AUTS2: variants seen among roughly 807,000 people sequenced by gnomAD.
AUTS2 encodes the protein activator of transcription and developmental regulator AUTS2, also known as autism susceptibility gene 2 protein.
AUTS2 carries 17 observed loss-of-function variants against 112.4 expected under a neutral mutation model. The observed-to-expected ratio is 0.15, with a 90% CI of 0.10 to 0.23. AUTS2 has a LOEUF of 0.23. AUTS2 is among the 10% of genes least tolerant of loss of function. The pLI is 1.00. For missense variants in AUTS2, 1,510 were observed against 1,701.6 expected (o/e 0.89, Z 1.98); for synonymous variants, 751 against 702.7 (o/e 1.07, Z -1.09).
chr7:69,725,668 G>C (rs1786475912), intron 1 of AUTS2, among the ~76,000 whole-genome samples: 1 of 152,156 alleles, frequency 6.6e-6, no homozygotes, highest in South Asian at 2.1e-4. Context: ...TGGGAAATGA[G>C]GGTCAGAGTG....
intron 4 of AUTS2, among the ~76,000 whole-genome samples, chr7:70,296,536 A>G (rs572803701): frequency 6.6e-6 from 1 of 152,330 alleles, no homozygotes; most frequent in East Asian, 1.9e-4. Context: ...CTTCAACTAT[A>G]TAATCAGCAT....
intron 5 of AUTS2, chr7:70,596,381 C>A (rs1398653721): frequency 6.6e-6 from 1 of 152,212 alleles, no homozygotes; most frequent in East Asian, 1.9e-4. Context: ...TGCCCGCGAA[C>A]CCACCTCGGA....
intron 5 of AUTS2, among the ~76,000 whole-genome samples, chr7:70,497,094 TCAGA>T (rs1321181126): frequency 1.6e-5 from 1 of 64,052 alleles, no homozygotes; most frequent in Non-Finnish European, 3.0e-5. Flanking sequence ...ACGTACACAG[TCAGA>T]CACACACACA....
At chr7:69,970,887 T>C (rs1797821894) in intron 2 of AUTS2, among the ~76,000 whole-genome samples, 1 of 152,214 alleles carries the variant, frequency 6.6e-6, no homozygotes, top group Admixed American at 6.5e-5. Context: ...AGATATTTAT[T>C]CCCTGTTGGG....
intron 5 of AUTS2, among the ~76,000 whole-genome samples, chr7:70,533,230 C>T (rs1007204534): frequency 1.3e-5 from 2 of 152,180 alleles, no homozygotes; most frequent in Non-Finnish European, 2.9e-5. Flanking sequence ...ATCCTCCTGC[C>T]TCAGCCTCCC....
intron 2 of AUTS2, among the ~76,000 whole-genome samples, chr7:70,034,227 G>A (rs1160570557): frequency 6.6e-6 from 1 of 152,160 alleles, no homozygotes; most frequent in Non-Finnish European, 1.5e-5. Flanking sequence ...AACATTTCCA[G>A]AGAGCACTAG....
chr7:69,861,150 T>A (rs1000747121), intron 1 of AUTS2, among the ~76,000 whole-genome samples: 2 of 152,162 alleles, frequency 1.3e-5, no homozygotes, highest in Admixed American at 6.5e-5. Flanking sequence ...CAATATGCCT[T>A]TCTCTTTGAT....
At chr7:70,072,900 A>G (rs1802843574) in intron 2 of AUTS2, among the ~76,000 whole-genome samples, 1 of 152,170 alleles carries the variant, frequency 6.6e-6, no homozygotes, top group African/African-American at 2.4e-5. Flanking sequence ...TAAATGTTAG[A>G]GTTTCATTCA....
chr7:70,430,150 G>A (rs1383651014), intron 4 of AUTS2, among the ~76,000 whole-genome samples: 3 of 152,192 alleles, frequency 2.0e-5, no homozygotes, highest in Non-Finnish European at 4.4e-5. Flanking sequence ...AACGTGGGGT[G>A]AGAGAGGAAG....
intron 2 of AUTS2, among the ~76,000 whole-genome samples, chr7:69,972,425 A>G (rs1797885196): frequency 1.3e-5 from 2 of 152,274 alleles, no homozygotes; most frequent in South Asian, 4.1e-4. Context: ...CCTCTTTCAG[A>G]GTCTTCCTCA....
intron 1 of AUTS2, among the ~76,000 whole-genome samples, chr7:69,610,096 T>G (rs1792949234): frequency 1.3e-5 from 2 of 152,240 alleles, no homozygotes; most frequent in African/African-American, 2.4e-5. Context: ...TATCAAGCAT[T>G]GTTTAGATTT....
At chr7:70,528,070 T>A (rs980240460) in intron 5 of AUTS2, among the ~76,000 whole-genome samples, 1 of 151,254 alleles carries the variant, frequency 6.6e-6, no homozygotes, top group African/African-American at 2.4e-5. Context: ...CTAAAGAGAC[T>A]TGAAGTTCAC....
At chr7:70,669,788 G>C (rs1404911290) in intron 5 of AUTS2, among the ~76,000 whole-genome samples, 5 of 152,158 alleles carry the variant, frequency 3.3e-5, no homozygotes, top group African/African-American at 1.2e-4. Flanking sequence ...TTTGGCACAA[G>C]GGCTCTGAGG....
rs35215443 is a variant in AUTS2 at position 70,185,257 on chromosome 7, C to CTTTTTTTTTTTTTTTTTTTTT, written c.660+50693_660+50713dup. Among the ~76,000 whole-genome samples, 41 of 87,116 alleles carry CTTTTTTTTTTTTTTTTTTTTT rather than the reference C, an allele frequency of 4.7e-4. 3 individuals carry two copies. The highest frequency in any genetic ancestry group is 7.2e-4 in the Non-Finnish European group (33 of 45,878). 57.2% of individuals were successfully genotyped at this position (87,116 alleles called of 152,430 possible). A position where few individuals can be genotyped will look rare whatever the true frequency, so the allele number is the denominator to read the frequency against. On this transcript the variant is annotated intron_variant, in intron 4 of 18. Coordinates refer to ENST00000342771, the MANE Select transcript of AUTS2 (RefSeq NM_015570.4). The stretch of plus-strand genomic sequence containing the variant: ...TGCTTTGGGCCTAAATGACATTAAA[C>CTTTTTTTTTTTTTTTTTTTTT]TTTTTTTTTTTTTTTTTTTTTTTTT...
rs1012059169 is a variant in AUTS2 at position 70,408,883 on chromosome 7, G to A, written c.661-26869G>A. 6.6e-5 allele frequency among the ~76,000 whole-genome samples: 10 copies of A among 152,118 alleles called. No individual in the cohort carries two copies. The East Asian group carries it at 9.7e-4, about 15-fold the overall frequency. On this transcript the variant is annotated intron_variant, in intron 4 of 18. Transcript: ENST00000342771. ...AAACATTTGCCCTCAAAAACTTCAC[G>A]ACAAGCATATGAATTAGCAGTTTTT...
intron 6 of AUTS2, among the ~76,000 whole-genome samples, chr7:70,756,853 A>G (rs1252703922): frequency 6.6e-6 from 1 of 152,204 alleles, no homozygotes; most frequent in Non-Finnish European, 1.5e-5. Context: ...GCAAAGAATT[A>G]CTTTGTGTTT....
intron 2 of AUTS2, among the ~76,000 whole-genome samples, chr7:69,967,269 A>G (rs1199394286): frequency 6.6e-6 from 1 of 152,032 alleles, no homozygotes; most frequent in African/African-American, 2.4e-5. Context: ...TTCATTATTC[A>G]TCCCGTGGGA....
chr7:70,387,343 A>T (rs1470848227), intron 4 of AUTS2, among the ~76,000 whole-genome samples: 1 of 152,186 alleles, frequency 6.6e-6, no homozygotes, highest in Non-Finnish European at 1.5e-5. Context: ...CCTGGAGCTC[A>T]GTTGACTATT....
At chr7:70,347,247 C>T (rs1389773627) in intron 4 of AUTS2, among the ~76,000 whole-genome samples, 1 of 152,228 alleles carries the variant, frequency 6.6e-6, no homozygotes, top group Non-Finnish European at 1.5e-5. Flanking sequence ...CCACCTCCTT[C>T]TGCTCAATTC....
Sources: allele counts gnomAD v4.1 joint callset (sites outside exome capture counted in the v4.1 genomes callset), GRCh38; gene constraint gnomAD v4.1.1; transcripts MANE v1.5; gene names NCBI Gene and HGNC (gene_info 2026-07-23, HGNC 2026-07-21).